The following FANCI variants were observed in gnomAD, a reference collection of about 807,000 sequenced individuals.
The protein encoded by FANCI is FA complementation group I.
A neutral mutation model predicts 176.1 loss-of-function variants in FANCI; 156 were observed. The ratio of observed to expected loss-of-function variants is 0.89; its 90% CI spans 0.78 to 1.01. The LOEUF (loss-of-function observed/expected upper bound fraction) is 1.01, where lower values mean the gene tolerates loss of function less well. FANCI is among the 50% of genes least tolerant of loss of function. FANCI has a pLI of 0.00. For synonymous variants in FANCI, 613 were observed against 541.7 expected (o/e 1.13, Z -1.83); for missense variants, 1,678 against 1,534.1 (o/e 1.09, Z -1.57).
At chr15:89,303,267 G>A (rs1345441717) in intron 27 of FANCI, among the ~76,000 whole-genome samples, 3 of 152,126 alleles carry the variant, frequency 2.0e-5, no homozygotes, top group Non-Finnish European at 2.9e-5. Flanking sequence ...ACGGCATTTC[G>A]GTGCCTTTGT....
intron 26 of FANCI, 122 bp from the exon 27 acceptor site, chr15:89,301,204 A>AAG: frequency 1.3e-6 from 1 of 780,950 alleles, no homozygotes; most frequent in Non-Finnish European, 2.3e-6. Context: ...TTATCCTCTT[A>AAG]GAATTTTGGT....
At chr15:89,261,925 G>GA (rs761845328) in intron 6 of FANCI, 47 bp downstream of exon 6, 67 of 1,550,170 alleles carry the variant, frequency 4.3e-5, no homozygotes, top group Admixed American at 6.8e-5. Context: ...ACAAGTGGCG[G>GA]AAAAAAAACC....
At chr15:89,273,309 T>A in intron 10 of FANCI, 68 bp from the exon 11 acceptor site, 1 of 752,802 alleles carries the variant, frequency 1.3e-6, no homozygotes, top group African/African-American at 2.3e-5. Flanking sequence ...CTTTTTTTTT[T>A]TAAAAAAAAA....
At chr15:89,316,101 GGA>G (rs113859489) in intron 37 of FANCI, among the ~76,000 whole-genome samples, 7 of 152,282 alleles carry the variant, frequency 4.6e-5, no homozygotes, top group Admixed American at 1.3e-4. Context: ...GCTGCACTCA[GGA>G]GAGTCATGTA....
chr15:89,297,743 AAG>A (rs1280181869), intron 24 of FANCI, among the ~76,000 whole-genome samples: 5 of 142,030 alleles, frequency 3.5e-5, no homozygotes, highest in Admixed American at 1.4e-4. Context: ...AGACCGTGGA[AAG>A]AGAGGGAGAG....
At chr15:89,310,969 A>G (rs2054931381) in intron 34 of FANCI, among the ~76,000 whole-genome samples, 1 of 151,814 alleles carries the variant, frequency 6.6e-6, no homozygotes, top group South Asian at 2.1e-4. Flanking sequence ...CTAAAGATAC[A>G]AAAAATAGCA....
At chr15:89,309,174 A>C (rs2054853384) in intron 34 of FANCI, among the ~76,000 whole-genome samples, 1 of 152,092 alleles carries the variant, frequency 6.6e-6, no homozygotes, top group African/African-American at 2.4e-5. Flanking sequence ...ATCTCACCCA[A>C]ATGCTTGCAG....
At chr15:89,274,538 A>T (rs1471974940) in intron 12 of FANCI, among the ~76,000 whole-genome samples, 1 of 150,750 alleles carries the variant, frequency 6.6e-6, no homozygotes, top group African/African-American at 2.4e-5. Context: ...TACAAAACTG[A>T]ATTAGTTGCT....
At position 89,307,666 on chromosome 15, in the gene FANCI, C is replaced by T. The variant is rs760364969; in HGVS notation, c.3645C>T (p.Tyr1215=). The T allele has an allele frequency of 2.0e-5, 32 of 1,613,964 alleles. No homozygotes were observed. Among genetic ancestry groups the T allele is most frequent in the East Asian group, 1.3e-4 (6 of 44,888 alleles). ...LTPLCYSFIS[Y]VQNKSKSLNY... ...CCCTGTGTTATTCTTTCATTTCTTACGTACAGGTAAGAGATTCAGAGGCAG... is the reference window on the plus strand; with the variant it reads ...CCCTGTGTTATTCTTTCATTTCTTATGTACAGGTAAGAGATTCAGAGGCAG... Residue 1215 remains tyrosine (Y), a synonymous_variant, in exon 34 of 38, where the codon TAC becomes TAT. Transcript: ENST00000310775.
intron 26 of FANCI, 69 bp downstream of exon 26, chr15:89,300,454 C>G: frequency 7.1e-7 from 1 of 1,414,830 alleles, no homozygotes; most frequent in Non-Finnish European, 1.0e-6. Context: ...GCAGGGGCAG[C>G]TGGTAAGAAT....
chr15:89,261,093 ATCTC>A (rs1292906218), intron 4 of FANCI, among the ~76,000 whole-genome samples: 1 of 152,036 alleles, frequency 6.6e-6, no homozygotes, highest in Non-Finnish European at 1.5e-5. Flanking sequence ...GTGAAACCCC[ATCTC>A]TACCAAAAAT....
chr15:89,296,295 A>G (rs531855303), intron 24 of FANCI, among the ~76,000 whole-genome samples: 2 of 146,862 alleles, frequency 1.4e-5, no homozygotes, highest in East Asian at 2.0e-4. Flanking sequence ...TTCTGTAGAG[A>G]TAGGATTTCA....
intron 18 of FANCI, among the ~76,000 whole-genome samples, chr15:89,286,589 G>A (rs549441159): frequency 3.9e-5 from 6 of 152,242 alleles, no homozygotes; most frequent in Admixed American, 3.9e-4. Flanking sequence ...TCAACAGTGG[G>A]CTTAAAATAT....
At chr15:89,261,933 A>G in intron 6 of FANCI, 55 bp downstream of exon 6, 1 of 1,541,318 alleles carries the variant, frequency 6.5e-7, no homozygotes, top group Non-Finnish European at 8.9e-7. Flanking sequence ...CGGAAAAAAA[A>G]CCACTTTATT....
chr15:89,315,297 C>T lies in FANCI; in HGVS notation c.3832C>T (p.His1278Tyr), dbSNP rs776134519. The T allele has an allele frequency of 8.7e-6, 14 of 1,612,904 alleles. No individual in the cohort carries two copies. In the East Asian group the frequency reaches 2.7e-4, roughly 31 times the overall value. ...CTTGTCATAGGTGAACCTGATGCAG[C>T]ACATGAAGCTCAGCACCTCACGAGA... is the stretch of plus-strand genomic sequence containing the variant. ...SKKSKVNLMQ[H>Y]MKLSTSRDFK... is the part of the protein sequence containing the mutation. Residue 1278 changes from histidine (H) to tyrosine (Y), a missense_variant, in exon 37 of 38, where the codon CAC becomes TAC. Around this residue, in one of 3 missense-constraint regions of FANCI, gnomAD observed 1,204 missense variants for 1,077.4 expected, o/e 1.12. Transcript: ENST00000310775.
intron 10 of FANCI, among the ~76,000 whole-genome samples, chr15:89,270,111 T>G (rs1332461809): frequency 1.3e-5 from 2 of 152,164 alleles, no homozygotes; most frequent in African/African-American, 2.4e-5. Flanking sequence ...GCACTGGCCT[T>G]CCTTTGATTT....
At chr15:89,276,657 G>T in intron 12 of FANCI, 54 bp from the exon 13 acceptor site, 1 of 1,590,380 alleles carries the variant, frequency 6.3e-7, no homozygotes, top group South Asian at 1.1e-5. Context: ...GAGTATAAAG[G>T]TAAGAATATC....
At chr15:89,266,071 A>G (rs2052941591) in intron 9 of FANCI, among the ~76,000 whole-genome samples, 1 of 146,796 alleles carries the variant, frequency 6.8e-6, no homozygotes, top group African/African-American at 2.5e-5. Flanking sequence ...ATCATAGCTC[A>G]CTACAGCCTC....
At chr15:89,292,548 A>G in intron 20 of FANCI, 140 bp from the exon 21 acceptor site, 2 of 866,706 alleles carry the variant, frequency 2.3e-6, no homozygotes. Context: ...AGTTTTGTTA[A>G]TTTAGATGGA....
Sources: gnomAD v4.1 joint callset for allele counts (sites outside exome capture counted in the v4.1 genomes callset) on GRCh38, gnomAD v4.1.1 for gene constraint, gnomAD v4.1.1 regional missense constraint, MANE v1.5 for transcripts, NCBI Gene and HGNC (gene_info 2026-07-23, HGNC 2026-07-21) for gene names.